The following EBF3 variants were observed in gnomAD, a reference collection of about 807,000 sequenced individuals.
EBF3 encodes transcription factor COE3.
In EBF3, 18 loss-of-function variants were observed where a neutral mutation model predicts 77.1. The observed-to-expected ratio is 0.23, with a 90% CI of 0.16 to 0.35. EBF3 has a LOEUF of 0.35. EBF3 is among the 10% of genes least tolerant of loss of function. The pLI is 1.00. For missense variants in EBF3, 558 were observed against 860.0 expected, an observed-to-expected ratio of 0.65 and a Z score of 4.39; for synonymous variants, 350 against 343.5, an observed-to-expected ratio of 1.02 and a Z score of -0.21.
chr10:129,848,554 A>C lies in EBF3; in HGVS notation c.1040-74T>G, dbSNP rs1279741613. The C allele has an allele frequency of 2.0e-6, 3 of 1,473,438 alleles. No individual in the cohort carries two copies. Among genetic ancestry groups the C allele is most frequent in the East Asian group, 4.5e-5 (2 of 44,174 alleles). The allele number at this position is 1,473,438 out of a possible 1,614,324, so 91.3% of individuals were successfully genotyped here. A position where few individuals can be genotyped will look rare whatever the true frequency, so the allele number is the denominator to read the frequency against. On this transcript the variant is annotated intron_variant, in intron 10 of 16. Coordinates refer to ENST00000440978, the MANE Select transcript of EBF3 (RefSeq NM_001375380.1). The surrounding 1 kb of genome is among the most constrained non-coding windows in gnomAD (Gnocchi z 4.4). ...TCCATTACTCGTTTATTGCACACTT[A>C]CAAATAAATGTGTAGTTCTCCTGCT...
At chr10:129,857,098 C>T (rs1284003430) in intron 10 of EBF3, among the ~76,000 whole-genome samples, 1 of 152,190 alleles carries the variant, frequency 6.6e-6, no homozygotes, top group Non-Finnish European at 1.5e-5. Flanking sequence ...AACATTATTA[C>T]CCTTTTCAAT....
Position 129,847,525 on chromosome 10 carries a change from A to G in EBF3, c.1128+867T>C, listed in dbSNP as rs894386952. ...AAAAAGCAGCCTAATGACATCGCCT[A>G]TGTTCATGCTGAGCATTAAAAAGGT... On this transcript the variant is annotated intron_variant, in intron 11 of 16. Coordinates refer to ENST00000440978, the MANE Select transcript of EBF3 (RefSeq NM_001375380.1). 1.2e-4 allele frequency among the ~76,000 whole-genome samples: 19 copies of G among 152,226 alleles called. No homozygotes were observed. In the East Asian group the frequency reaches 1.5e-3, roughly 12 times the overall value.
chr10:129,840,582 G>T, intron 14 of EBF3, 140 bp from the exon 15 acceptor site: 1 of 1,042,122 alleles, frequency 9.6e-7, no homozygotes, highest in Non-Finnish European at 1.4e-6. Flanking sequence ...CCACGCTCTG[G>T]ATAACAGGCA....
intron 5 of EBF3, among the ~76,000 whole-genome samples, 173 bp downstream of exon 5, chr10:129,958,761 G>T (rs1859237887): frequency 6.6e-6 from 1 of 152,174 alleles, no homozygotes; most frequent in South Asian, 2.1e-4. Flanking sequence ...AGCGCTGGGG[G>T]GAAGGAGCGC....
At chr10:129,936,783 C>A (rs887743222) in intron 6 of EBF3, among the ~76,000 whole-genome samples, 4 of 151,942 alleles carry the variant, frequency 2.6e-5, no homozygotes, top group African/African-American at 7.3e-5. Context: ...TGTGGGGGGA[C>A]CCTCAGCTGT....
chr10:129,917,564 C>T (rs779056945), intron 6 of EBF3, among the ~76,000 whole-genome samples: 86 of 141,948 alleles, frequency 6.1e-4, no homozygotes, highest in Non-Finnish European at 1.0e-3. Flanking sequence ...AGGCTTGAAG[C>T]CAGGAGTTTG....
intron 6 of EBF3, among the ~76,000 whole-genome samples, chr10:129,919,044 G>A (rs928812447): frequency 1.6e-4 from 24 of 152,308 alleles, no homozygotes; most frequent in African/African-American, 5.8e-4. Flanking sequence ...ACAGTGGGAA[G>A]GGGACCCAGC....
chr10:129,873,728 G>C (rs1589757967), intron 7 of EBF3, 132 bp from the exon 8 acceptor site: 2 of 1,002,692 alleles, frequency 2.0e-6, no homozygotes, highest in South Asian at 3.8e-5. Context: ...ACTGTTGATC[G>C]ATGTGCGTTC....
At chr10:129,940,645 G>A (rs1205518922) in intron 6 of EBF3, among the ~76,000 whole-genome samples, 1 of 152,104 alleles carries the variant, frequency 6.6e-6, no homozygotes, top group African/African-American at 2.4e-5. Context: ...ACTGTGGGCG[G>A]GTGAGGAATG....
intron 6 of EBF3, among the ~76,000 whole-genome samples, chr10:129,923,460 G>GA (rs2134371073): frequency 6.6e-6 from 1 of 152,364 alleles, no homozygotes; most frequent in South Asian, 2.1e-4. Flanking sequence ...CAATGGGACA[G>GA]AATGGAGAGC....
intron 6 of EBF3, among the ~76,000 whole-genome samples, chr10:129,934,344 T>G (rs113720744): frequency 0.035 from 5,369 of 152,142 alleles, 215 homozygotes; most frequent in African/African-American, 0.096. Flanking sequence ...CAGCGGGTAC[T>G]GAGGAGATCC....
intron 6 of EBF3, among the ~76,000 whole-genome samples, chr10:129,955,405 A>G (rs985476231): frequency 7.9e-5 from 12 of 152,232 alleles, no homozygotes; most frequent in African/African-American, 2.4e-4. Context: ...TGGTAAACCC[A>G]TTAACCAAAT....
rs1453368570 is a variant in EBF3 at position 129,841,404 on chromosome 10, CTTGT to C, written c.1373-376_1373-373del. ...CAAATGCCATGACTGACAAGGAGAG[CTTGT>C]TTGTGGCCGTAACTTCCCCTGAAAG... On this transcript the variant is annotated intron_variant, in intron 13 of 16. Transcript: ENST00000440978. This position sits in a 1 kb window ranked among gnomAD's most constrained non-coding sequence, Gnocchi z 4.6. Among the ~76,000 whole-genome samples, 2 of 152,156 alleles carry C rather than the reference CTTGT, an allele frequency of 1.3e-5. No homozygotes were observed. The highest frequency in any genetic ancestry group is 2.9e-5 in the Non-Finnish European group (2 of 68,036).
intron 10 of EBF3, among the ~76,000 whole-genome samples, chr10:129,858,895 C>T (rs1851432344): frequency 1.3e-5 from 2 of 152,178 alleles, no homozygotes; most frequent in Non-Finnish European, 2.9e-5. Flanking sequence ...ACCCCGGCCA[C>T]GCAGTACCTC....
intron 6 of EBF3, among the ~76,000 whole-genome samples, chr10:129,899,549 G>C (rs57488004): frequency 0.024 from 3,601 of 152,270 alleles, 138 homozygotes; most frequent in African/African-American, 0.082. Flanking sequence ...TGCTGTGCGA[G>C]GGAAGCCCAG....
At chr10:129,923,583 G>A (rs543914453) in intron 6 of EBF3, among the ~76,000 whole-genome samples, 28 of 152,262 alleles carry the variant, frequency 1.8e-4, no homozygotes, top group Admixed American at 4.6e-4. Context: ...GCTGGACTCC[G>A]ACATGCAAAA....
chr10:129,951,260 G>A (rs954260466), intron 6 of EBF3, among the ~76,000 whole-genome samples: 2 of 152,200 alleles, frequency 1.3e-5, no homozygotes, highest in African/African-American at 4.8e-5. Flanking sequence ...GAGTTTGGAC[G>A]GCTTTCCATA....
intron 6 of EBF3, among the ~76,000 whole-genome samples, chr10:129,882,990 G>A (rs374072225): frequency 9.2e-5 from 14 of 152,164 alleles, no homozygotes; most frequent in African/African-American, 2.7e-4. Context: ...TGGGCTTGGC[G>A]GTCGCACCCT....
At chr10:129,880,306 CACAT>C (rs1276953646) in intron 6 of EBF3, among the ~76,000 whole-genome samples, 13 of 152,094 alleles carry the variant, frequency 8.5e-5, no homozygotes, top group Middle Eastern at 3.4e-3. Flanking sequence ...ATGCCACCCA[CACAT>C]ACACACACAT....
Sources: gnomAD v4.1 joint callset for allele counts (sites outside exome capture counted in the v4.1 genomes callset) on GRCh38, gnomAD v4.1.1 for gene constraint, Gnocchi (gnomAD v3.1) non-coding constraint, MANE v1.5 for transcripts, NCBI Gene and HGNC (gene_info 2026-07-23, HGNC 2026-07-21) for gene names.